Variants in SNTG1 observed in about 807,000 individuals in gnomAD.
SNTG1 encodes syntrophin gamma 1.
Under a neutral mutation model 74.7 loss-of-function variants are expected in SNTG1, and 39 were observed. That is an observed-to-expected ratio of 0.52 (90% CI 0.40 to 0.68). The LOEUF is 0.68. Ranked by LOEUF, SNTG1 falls within the 30% of genes least tolerant of loss-of-function variation. The pLI is 0.00. For missense variants in SNTG1, 685 were observed against 609.5 expected (o/e 1.12, Z -1.30); for synonymous variants, 254 against 217.1 (o/e 1.17, Z -1.49).
At chr8:50,190,017 T>C (rs2083510171) in intron 2 of SNTG1, among the ~76,000 whole-genome samples, 1 of 152,170 alleles carries the variant, frequency 6.6e-6, no homozygotes, top group Non-Finnish European at 1.5e-5. Context: ...CTATTTTCTG[T>C]TTGAATGTTG....
chr8:50,349,051 T>C (rs1311897858), intron 2 of SNTG1, among the ~76,000 whole-genome samples: 1 of 152,236 alleles, frequency 6.6e-6, no homozygotes. Flanking sequence ...ATATGAAGAA[T>C]CCCCAACATT....
intron 2 of SNTG1, among the ~76,000 whole-genome samples, chr8:50,349,990 G>C (rs1441808261): frequency 6.6e-6 from 1 of 152,212 alleles, no homozygotes; most frequent in Non-Finnish European, 1.5e-5. Flanking sequence ...GTGGGCGTGG[G>C]CTTGGCGGCC....
chr8:50,153,826 C>T (rs982047148), intron 1 of SNTG1, among the ~76,000 whole-genome samples: 1 of 152,194 alleles, frequency 6.6e-6, no homozygotes, highest in African/African-American at 2.4e-5. Flanking sequence ...TGGGGGGTGC[C>T]TCCCAGTTAG....
intron 2 of SNTG1, among the ~76,000 whole-genome samples, chr8:50,297,330 A>G (rs2089432191): frequency 6.6e-6 from 1 of 152,224 alleles, no homozygotes; most frequent in South Asian, 2.1e-4. Flanking sequence ...CAATCATAAT[A>G]AAGTAGGACA....
intron 15 of SNTG1, among the ~76,000 whole-genome samples, chr8:50,702,537 A>G (rs888542955): frequency 2.6e-5 from 4 of 152,212 alleles, no homozygotes; most frequent in African/African-American, 9.7e-5. Flanking sequence ...AGAGAATTCC[A>G]TCTAACATTT....
chr8:50,000,501 T>C (rs1814644530), intron 1 of SNTG1, among the ~76,000 whole-genome samples: 1 of 152,172 alleles, frequency 6.6e-6, no homozygotes, highest in African/African-American at 2.4e-5. Context: ...TCAGATTCTT[T>C]GTACAATGTA....
rs536994679 is a variant in SNTG1, at chr8:50,708,140, G to T, written c.1192-746G>T. ...TTATTGAACCCAACAGACAGAGGTTGCAGTGAGCCGACACCGCACCACTAC... is the reference window on the plus strand; with the variant it reads ...TTATTGAACCCAACAGACAGAGGTTTCAGTGAGCCGACACCGCACCACTAC... On this transcript the variant is annotated intron_variant, in intron 16 of 18. Transcript: ENST00000642720. 4 of 199,240 alleles carry T rather than the reference G, an allele frequency of 2.0e-5. No individual in the cohort carries two copies. In the East Asian group the frequency reaches 3.3e-4, roughly 17 times the overall value. The allele number at this position is 199,240 out of a possible 1,614,324, so 12.3% of individuals were successfully genotyped here. A position where few individuals can be genotyped will look rare whatever the true frequency, so the allele number is the denominator to read the frequency against.
At chr8:50,016,042 G>C (rs982778797) in intron 1 of SNTG1, among the ~76,000 whole-genome samples, 1 of 152,070 alleles carries the variant, frequency 6.6e-6, no homozygotes, top group Admixed American at 6.6e-5. Context: ...GCATCACATT[G>C]ATTTGCTGGG....
chr8:50,552,628 T>A (rs1215338490), intron 11 of SNTG1, among the ~76,000 whole-genome samples: 1 of 152,194 alleles, frequency 6.6e-6, no homozygotes, highest in East Asian at 1.9e-4. Context: ...CTTAATATTT[T>A]ATTGCCTGTT....
At chr8:50,065,099 A>T (rs1163131836) in intron 1 of SNTG1, among the ~76,000 whole-genome samples, 1 of 152,148 alleles carries the variant, frequency 6.6e-6, no homozygotes, top group Admixed American at 6.5e-5. Flanking sequence ...ATTCCATAAG[A>T]TTTAGGTTTT....
intron 2 of SNTG1, among the ~76,000 whole-genome samples, chr8:50,227,748 GA>G (rs34749100): frequency 0.27 from 39,590 of 146,454 alleles, 5,255 homozygotes; most frequent in South Asian, 0.38. Context: ...ACAAGGATAA[GA>G]AAAAAAAAAG....
chr8:50,705,709 G>A (rs1019271376), intron 16 of SNTG1, among the ~76,000 whole-genome samples: 4 of 152,110 alleles, frequency 2.6e-5, no homozygotes, highest in Non-Finnish European at 4.4e-5. Flanking sequence ...CACATCATGA[G>A]TATTCAACAG....
At chr8:49,938,611 C>CTTTTCTTTTCT (rs71928710) in intron 1 of SNTG1, among the ~76,000 whole-genome samples, 7 of 12,594 alleles carry the variant, frequency 5.6e-4, no homozygotes, top group Non-Finnish European at 1.0e-3. Context: ...TCTTTTCTTT[C>CTTTTCTTTTCT]TTTCTTTCTT....
chr8:50,378,576 G>A (rs2092428215), intron 2 of SNTG1, among the ~76,000 whole-genome samples: 1 of 152,160 alleles, frequency 6.6e-6, no homozygotes, highest in South Asian at 2.1e-4. Context: ...TGATAGATAG[G>A]ACAGCTCAGA....
intron 1 of SNTG1, among the ~76,000 whole-genome samples, chr8:50,070,343 T>G (rs1439041480): frequency 1.3e-5 from 2 of 152,224 alleles, no homozygotes; most frequent in African/African-American, 4.8e-5. Flanking sequence ...TTTTCTTTTG[T>G]TATTTTAACT....
At chr8:50,450,811 T>C in intron 8 of SNTG1, 82 bp downstream of exon 8, 1 of 1,332,096 alleles carries the variant, frequency 7.5e-7, no homozygotes, top group African/African-American at 1.5e-5. Context: ...TGTCACTTCA[T>C]TCATTAGGCA....
At chr8:50,201,521 T>C (rs558034377) in intron 2 of SNTG1, among the ~76,000 whole-genome samples, 1 of 152,126 alleles carries the variant, frequency 6.6e-6, no homozygotes, top group African/African-American at 2.4e-5. Flanking sequence ...TTATTTTACT[T>C]TTATGGAGCA....
intron 15 of SNTG1, among the ~76,000 whole-genome samples, chr8:50,696,377 T>TA (rs1270219373): frequency 6.6e-6 from 1 of 152,028 alleles, no homozygotes; most frequent in Non-Finnish European, 1.5e-5. Context: ...AGCCCTCTCT[T>TA]AGTTGCATGG....
intron 15 of SNTG1, among the ~76,000 whole-genome samples, chr8:50,690,084 C>T (rs540610581): frequency 8.2e-4 from 125 of 152,200 alleles, no homozygotes; most frequent in Non-Finnish European, 1.1e-3. Context: ...TCTGTGGGAT[C>T]GGTGGTGATA....
Sources: allele counts gnomAD v4.1 joint callset (sites outside exome capture counted in the v4.1 genomes callset), GRCh38; gene constraint gnomAD v4.1.1; transcripts MANE v1.5; gene names NCBI Gene and HGNC (gene_info 2026-07-23, HGNC 2026-07-21).